SAMD5: variants seen among roughly 807,000 people sequenced by gnomAD.
SAMD5 encodes the protein sterile alpha motif domain-containing protein 5.
Under a neutral mutation model 11.3 loss-of-function variants are expected in SAMD5, and 13 were observed. That is an observed-to-expected ratio of 1.15 (90% CI 0.75 to 1.83). SAMD5 has a LOEUF of 1.83. SAMD5 is among the 40% of genes most tolerant of loss of function. The pLI is 0.00. For synonymous variants in SAMD5, 129 were observed against 111.3 expected (o/e 1.16, Z -1.00); for missense variants, 255 against 239.1 (o/e 1.07, Z -0.44).
At chr6:147,807,513 G>T in the SAMD5 span, among the ~76,000 whole-genome samples, 1 of 152,194 alleles carries the variant, frequency 6.6e-6, no homozygotes. Context: ...TCAGAGGAAT[G>T]AAGCACTCTG....
the SAMD5 span, among the ~76,000 whole-genome samples, chr6:147,865,024 A>G: frequency 1.3e-5 from 2 of 152,216 alleles, no homozygotes; most frequent in Non-Finnish European, 2.9e-5. Flanking sequence ...AATATGTATC[A>G]AAAACCTCCA....
the SAMD5 span, among the ~76,000 whole-genome samples, chr6:147,762,265 G>A: frequency 6.6e-6 from 1 of 152,072 alleles, no homozygotes; most frequent in Admixed American, 6.6e-5. Context: ...GAGTACAGTG[G>A]CGCAACCTCA....
chr6:147,954,616 C>A, the SAMD5 span, among the ~76,000 whole-genome samples: 1 of 151,370 alleles, frequency 6.6e-6, no homozygotes, highest in Non-Finnish European at 1.5e-5. Flanking sequence ...GGTAAGTGCC[C>A]TGTACATGTT....
chr6:147,650,572 C>T (rs1790469466), intron 1 of SAMD5, among the ~76,000 whole-genome samples: 1 of 152,142 alleles, frequency 6.6e-6, no homozygotes, highest in Admixed American at 6.5e-5. Context: ...ACAGAGAAGT[C>T]ATCAGACTTG....
At chr6:147,586,296 G>A (rs1167640536) in intron 1 of SAMD5, among the ~76,000 whole-genome samples, 1 of 152,160 alleles carries the variant, frequency 6.6e-6, no homozygotes, top group Non-Finnish European at 1.5e-5. Context: ...CAGGGTGTGT[G>A]TATTTGGAAA....
intron 1 of SAMD5, among the ~76,000 whole-genome samples, chr6:147,637,341 A>G (rs1790244691): frequency 6.6e-6 from 1 of 152,234 alleles, no homozygotes; most frequent in East Asian, 1.9e-4. Flanking sequence ...TCAGCTCCAG[A>G]TCCCTAGTGA....
the SAMD5 span, among the ~76,000 whole-genome samples, chr6:147,775,045 G>A: frequency 2.8e-4 from 42 of 152,066 alleles, no homozygotes; most frequent in Admixed American, 5.2e-4. Flanking sequence ...AATAGTCCTG[G>A]CATATTTCAG....
chr6:147,887,227 T>C, the SAMD5 span, among the ~76,000 whole-genome samples: 1 of 152,306 alleles, frequency 6.6e-6, no homozygotes, highest in East Asian at 1.9e-4. Flanking sequence ...ATTTGATAAA[T>C]TCGGACTACA....
the SAMD5 span, among the ~76,000 whole-genome samples, chr6:147,744,530 C>T: frequency 2.0e-5 from 3 of 152,040 alleles, no homozygotes; most frequent in African/African-American, 7.3e-5. Context: ...TCGGTGAAAA[C>T]AAATGACCTA....
the SAMD5 span, among the ~76,000 whole-genome samples, chr6:147,788,380 A>G: frequency 2.0e-5 from 3 of 152,216 alleles, no homozygotes; most frequent in Admixed American, 6.5e-5. Flanking sequence ...CATCATATAC[A>G]TGAACTTGAA....
chr6:147,642,612 G>A (rs992276732), intron 1 of SAMD5, among the ~76,000 whole-genome samples: 4 of 152,298 alleles, frequency 2.6e-5, no homozygotes, highest in South Asian at 2.1e-4. Context: ...TCTGCCAGCG[G>A]CCATTTAGCC....
chr6:147,627,039 G>A (rs180769663), intron 1 of SAMD5, among the ~76,000 whole-genome samples: 3 of 152,190 alleles, frequency 2.0e-5, no homozygotes, highest in South Asian at 4.1e-4. Context: ...TGGCATGAAG[G>A]CAATGGCCTT....
the SAMD5 span, among the ~76,000 whole-genome samples, chr6:147,764,351 T>C: frequency 6.6e-6 from 1 of 152,214 alleles, no homozygotes; most frequent in African/African-American, 2.4e-5. Flanking sequence ...CTACTTTTAC[T>C]TTTATTATTG....
the SAMD5 span, among the ~76,000 whole-genome samples, chr6:147,835,502 C>T: frequency 4.6e-5 from 7 of 152,054 alleles, no homozygotes; most frequent in Non-Finnish European, 1.0e-4. Context: ...ATGCCTTTAC[C>T]CTCTTTAGAG....
At chr6:147,598,883 G>A (rs1356919850) in intron 1 of SAMD5, among the ~76,000 whole-genome samples, 1 of 152,198 alleles carries the variant, frequency 6.6e-6, no homozygotes, top group African/African-American at 2.4e-5. Flanking sequence ...TTGAGGTTAT[G>A]GATTCACTGG....
intron 1 of SAMD5, among the ~76,000 whole-genome samples, chr6:147,689,171 C>T (rs1400124310): frequency 6.6e-6 from 1 of 152,114 alleles, no homozygotes; most frequent in Admixed American, 6.5e-5. Flanking sequence ...AGGGGCAAGA[C>T]AAAATCCATT....
the SAMD5 span, among the ~76,000 whole-genome samples, chr6:147,799,595 C>G: frequency 6.6e-6 from 1 of 151,800 alleles, no homozygotes; most frequent in Non-Finnish European, 1.5e-5. Context: ...CTCTGTATTT[C>G]CTGAATCTGA....
the SAMD5 span, among the ~76,000 whole-genome samples, chr6:147,770,646 T>G: frequency 6.6e-6 from 1 of 152,204 alleles, no homozygotes; most frequent in Non-Finnish European, 1.5e-5. Flanking sequence ...ATGGAGTAGA[T>G]TCGAATGATG....
chr6:147,810,922 A>C, the SAMD5 span, among the ~76,000 whole-genome samples: 3 of 152,218 alleles, frequency 2.0e-5, no homozygotes, highest in African/African-American at 7.2e-5. Flanking sequence ...CAAGAAGCTG[A>C]TATCTAACTG....
Sources: gnomAD v4.1 joint callset for allele counts (sites outside exome capture counted in the v4.1 genomes callset) on GRCh38, gnomAD v4.1.1 for gene constraint, MANE v1.5 for transcripts, NCBI Gene and HGNC (gene_info 2026-07-23, HGNC 2026-07-21) for gene names.